TDRD3: variants seen among roughly 807,000 people sequenced by gnomAD.
TDRD3 encodes the protein tudor domain containing 3.
Under a neutral mutation model 86.7 loss-of-function variants are expected in TDRD3, and 45 were observed. That is an observed-to-expected ratio of 0.52 (90% CI 0.41 to 0.67). The LOEUF (loss-of-function observed/expected upper bound fraction) is 0.67, where lower values mean the gene tolerates loss of function less well. Among genes scored for constraint, TDRD3 ranks in the 30% least tolerant of loss-of-function variants. The pLI is 0.00. For missense variants in TDRD3, 814 were observed against 889.0 expected, an observed-to-expected ratio of 0.92 and a Z score of 1.07; for synonymous variants, 298 against 301.7, an observed-to-expected ratio of 0.99 and a Z score of 0.13.
At chr13:60,510,580 C>CTTTTT (rs755512827) in intron 9 of TDRD3, 50 bp from the exon 10 acceptor site, 39 of 1,460,710 alleles carry the variant, frequency 2.7e-5, no homozygotes, top group Non-Finnish European at 3.5e-5. Context: ...TATATATTCT[C>CTTTTT]TTTTTGTTTT....
Position 60,485,837 on chromosome 13 carries a change from T to C in TDRD3, c.606T>C (p.Leu202=). 1 of 1,608,748 alleles carries C rather than the reference T, an allele frequency of 6.2e-7. No individual in the cohort carries two copies. The highest frequency in any genetic ancestry group is 8.5e-7 in the Non-Finnish European group (1 of 1,177,770). ...ATGTCCAAGTGGATAGCAGAGAACT[T>C]GATCGAAGAAAAACATTGCAAGTTA... ...VSHVQVDSRE[L]DRRKTLQVTM... Residue 202 remains leucine (L), a synonymous_variant, in exon 7 of 14, where the codon CTT becomes CTC. Coordinates refer to ENST00000377881, the MANE Select transcript of TDRD3 (RefSeq NM_001146070.2).
chr13:60,494,598 A>G (rs1956674298), intron 8 of TDRD3, 23 bp downstream of exon 8: 1 of 1,597,508 alleles, frequency 6.3e-7, no homozygotes, highest in Admixed American at 1.8e-5. Flanking sequence ...AACTAACCAC[A>G]AATTTAAAGT....
At chr13:60,437,285 C>A (rs1301120343) in intron 1 of TDRD3, among the ~76,000 whole-genome samples, 7 of 151,764 alleles carry the variant, frequency 4.6e-5, no homozygotes, top group Admixed American at 4.6e-4. Flanking sequence ...TGCCACCATG[C>A]CTGGCTAATT....
intron 3 of TDRD3, among the ~76,000 whole-genome samples, chr13:60,448,449 T>C (rs1159547974): frequency 6.6e-6 from 1 of 152,158 alleles, no homozygotes; most frequent in Non-Finnish European, 1.5e-5. Context: ...TTCTCTTTCT[T>C]CCATTCTCTT....
At chr13:60,551,483 C>T (rs1412450940) in intron 12 of TDRD3, among the ~76,000 whole-genome samples, 1 of 152,102 alleles carries the variant, frequency 6.6e-6, no homozygotes, top group East Asian at 1.9e-4. Flanking sequence ...GCTTGTTGCC[C>T]CTTAATTGCA....
At chr13:60,410,329 A>G (rs1954332152) in intron 1 of TDRD3, among the ~76,000 whole-genome samples, 1 of 152,190 alleles carries the variant, frequency 6.6e-6, no homozygotes, top group Non-Finnish European at 1.5e-5. Context: ...GGTATCTTGC[A>G]GTCTAAGTTG....
At chr13:60,560,758 A>T (rs1958313933) in intron 12 of TDRD3, among the ~76,000 whole-genome samples, 1 of 152,186 alleles carries the variant, frequency 6.6e-6, no homozygotes, top group South Asian at 2.1e-4. Context: ...TTTTAATATA[A>T]CTTTAGAAAA....
chr13:60,548,248 C>T (rs1957976097), intron 12 of TDRD3, among the ~76,000 whole-genome samples: 1 of 152,144 alleles, frequency 6.6e-6, no homozygotes, highest in African/African-American at 2.4e-5. Context: ...CACCCTCAGC[C>T]AAACTAAACT....
intron 5 of TDRD3, among the ~76,000 whole-genome samples, chr13:60,482,065 A>G (rs2137491791): frequency 6.6e-6 from 1 of 152,300 alleles, no homozygotes; most frequent in South Asian, 2.1e-4. Flanking sequence ...GATTGTCTGT[A>G]TACCCTTTAT....
chr13:60,499,032 T>G (rs961332357), intron 8 of TDRD3, among the ~76,000 whole-genome samples: 7 of 152,192 alleles, frequency 4.6e-5, no homozygotes, highest in African/African-American at 1.7e-4. Context: ...ACCCTCACAC[T>G]GGCTCCCTGA....
At chr13:60,488,923 TTGTTA>T (rs1463374144) in intron 7 of TDRD3, among the ~76,000 whole-genome samples, 2 of 152,126 alleles carry the variant, frequency 1.3e-5, no homozygotes, top group Non-Finnish European at 2.9e-5. Context: ...TGCTTTTGAA[TTGTTA>T]TGTTCCTTAT....
chr13:60,417,387 G>A (rs1954551273), intron 1 of TDRD3, among the ~76,000 whole-genome samples: 2 of 132,606 alleles, frequency 1.5e-5, no homozygotes, highest in Admixed American at 8.5e-5. Context: ...GTCTCACTCT[G>A]TTGCCCAGGC....
At chr13:60,554,357 TAACTTG>T (rs1464883848) in intron 12 of TDRD3, among the ~76,000 whole-genome samples, 1 of 152,226 alleles carries the variant, frequency 6.6e-6, no homozygotes, top group Non-Finnish European at 1.5e-5. Context: ...ACTGTTAGAA[TAACTTG>T]AACTTTCCTA....
At chr13:60,416,460 A>G (rs901284837) in intron 1 of TDRD3, among the ~76,000 whole-genome samples, 1 of 152,228 alleles carries the variant, frequency 6.6e-6, no homozygotes, top group Non-Finnish European at 1.5e-5. Flanking sequence ...TATTTAAAAC[A>G]TTCATTTACC....
intron 1 of TDRD3, among the ~76,000 whole-genome samples, chr13:60,404,254 C>G (rs1954175597): frequency 6.6e-6 from 1 of 151,470 alleles, no homozygotes; most frequent in South Asian, 2.1e-4. Context: ...AAGGCACATT[C>G]ATCAATGCAC....
At chr13:60,443,123 CAT>C (rs1256863260) in intron 2 of TDRD3, among the ~76,000 whole-genome samples, 3 of 151,814 alleles carry the variant, frequency 2.0e-5, no homozygotes, top group Non-Finnish European at 4.4e-5. Context: ...AAAAAAAGTA[CAT>C]GTTTTATACT....
chr13:60,564,479 T>C (rs1958404466), intron 12 of TDRD3, among the ~76,000 whole-genome samples: 2 of 152,122 alleles, frequency 1.3e-5, no homozygotes. Flanking sequence ...CATTGGACAG[T>C]TCCCGTTTAT....
chr13:60,528,014 T>TA (rs1957487321), intron 10 of TDRD3, among the ~76,000 whole-genome samples: 1 of 152,198 alleles, frequency 6.6e-6, no homozygotes, highest in Admixed American at 6.5e-5. Flanking sequence ...TGCAGTTTCA[T>TA]AGCAGTTTCT....
intron 3 of TDRD3, among the ~76,000 whole-genome samples, chr13:60,459,684 G>T (rs528176519): frequency 6.6e-6 from 1 of 152,320 alleles, no homozygotes; most frequent in African/African-American, 2.4e-5. Context: ...GCAATGGCTT[G>T]ATCTCGGCTC....
Sources: gnomAD v4.1 joint callset for allele counts (sites outside exome capture counted in the v4.1 genomes callset) on GRCh38, gnomAD v4.1.1 for gene constraint, MANE v1.5 for transcripts, NCBI Gene and HGNC (gene_info 2026-07-23, HGNC 2026-07-21) for gene names.